TRIM66: variants seen among roughly 807,000 people sequenced by gnomAD.
TRIM66 encodes the protein tripartite motif-containing protein 66.
A neutral mutation model predicts 148.2 loss-of-function variants in TRIM66; 99 were observed. The observed-to-expected ratio is 0.67, with a 90% confidence interval of 0.57 to 0.79. The LOEUF is 0.79. TRIM66 is among the 30% of genes least tolerant of loss of function. TRIM66 has a pLI of 0.00. For synonymous variants in TRIM66, 616 were observed against 635.9 expected (o/e 0.97, Z 0.47); for missense variants, 1,666 against 1,697.9 (o/e 0.98, Z 0.33).
chr11:8,626,575 A>G (rs2034865372), intron 15 of TRIM66, among the ~76,000 whole-genome samples: 1 of 152,120 alleles, frequency 6.6e-6, no homozygotes, highest in African/African-American at 2.4e-5. Context: ...AACATCTCTC[A>G]AATATACCCA....
intron 8 of TRIM66, among the ~76,000 whole-genome samples, chr11:8,649,529 C>A (rs1214351630): frequency 6.6e-6 from 1 of 152,154 alleles, no homozygotes; most frequent in Non-Finnish European, 1.5e-5. Context: ...ACCATTTCAT[C>A]CACACTCATC....
intron 10 of TRIM66, 61 bp downstream of exon 10, chr11:8,647,909 G>C: frequency 7.4e-7 from 1 of 1,348,348 alleles, no homozygotes; most frequent in Non-Finnish European, 1.0e-6. Flanking sequence ...CCTGGTGTTG[G>C]AACCCTGGGT....
chr11:8,622,745 C>T (rs1469724696), intron 18 of TRIM66, 71 bp downstream of exon 18: 17 of 1,390,940 alleles, frequency 1.2e-5, no homozygotes, highest in Non-Finnish European at 1.6e-5. Flanking sequence ...ATCAAGGATG[C>T]TTCATCCCTG....
At chr11:8,680,747 C>T (rs1318427366) in intron 1 of TRIM66, 1 of 152,024 alleles carries the variant, frequency 6.6e-6, no homozygotes, top group African/African-American at 2.4e-5. Context: ...TTGAAGCCAC[C>T]CAAGAAGACC....
At chr11:8,635,540 G>A (rs1429934181) in intron 15 of TRIM66, among the ~76,000 whole-genome samples, 1 of 152,014 alleles carries the variant, frequency 6.6e-6, no homozygotes, top group Non-Finnish European at 1.5e-5. Context: ...TCACTGTCAG[G>A]GTTGATCTCT....
Position 8,671,823 on chromosome 11 carries a change from T to C in TRIM66, c.303A>G (p.Leu101=). 9.2e-6 allele frequency: 14 copies of C among 1,517,236 alleles called. No homozygotes were observed. The highest frequency in any genetic ancestry group is 1.7e-4 in the Middle Eastern group (1 of 5,954). 94.0% of individuals were successfully genotyped at this position (1,517,236 alleles called of 1,614,324 possible). A position where few individuals can be genotyped will look rare whatever the true frequency, so the allele number is the denominator to read the frequency against. The stretch of plus-strand genomic sequence containing the variant: ...TCTCATGAGCCTTGGCAATCTGCCC[T>C]AGCTCCTGTATCAAGCCCTGGAAGC... ...KDCFQGLIQE[L]GQIAKAHETV... The change falls in exon 6 of 25, where the codon CTA becomes CTG. Residue 101 remains leucine, a synonymous_variant. Transcript: ENST00000646038.
chr11:8,642,350 G>C (rs1404286761), intron 13 of TRIM66, among the ~76,000 whole-genome samples: 2 of 152,164 alleles, frequency 1.3e-5, no homozygotes, highest in Non-Finnish European at 2.9e-5. Flanking sequence ...TTGTCACTTT[G>C]CCAAGTTCAA....
intron 6 of TRIM66, among the ~76,000 whole-genome samples, chr11:8,660,880 T>A (rs1042654026): frequency 2.6e-5 from 4 of 152,190 alleles, no homozygotes; most frequent in Non-Finnish European, 4.4e-5. Context: ...TATGAAAGTG[T>A]GAGGTCTCTT....
At chr11:8,646,329 A>T (rs1373519087) in intron 11 of TRIM66, 118 bp downstream of exon 11, 2 of 822,234 alleles carry the variant, frequency 2.4e-6, no homozygotes, top group Non-Finnish European at 4.0e-6. Flanking sequence ...AGGGAGCAGC[A>T]CAGAGCTATG....
At chr11:8,618,997 T>C in intron 23 of TRIM66, 29 bp from the exon 24 acceptor site, 1 of 1,540,956 alleles carries the variant, frequency 6.5e-7, no homozygotes. Context: ...AGTGATGGTC[T>C]AGCCTGTTTC....
At chr11:8,648,291 A>G (rs1331295094) in intron 9 of TRIM66, 125 bp downstream of exon 9, 2 of 1,425,212 alleles carry the variant, frequency 1.4e-6, no homozygotes, top group African/African-American at 1.4e-5. Flanking sequence ...GAAAAACTTC[A>G]GCCCAGGGGC....
intron 15 of TRIM66, among the ~76,000 whole-genome samples, chr11:8,631,536 G>A (rs2035398283): frequency 6.6e-6 from 1 of 152,184 alleles, no homozygotes. Context: ...AAGGAATTTG[G>A]ATGAACCAAT....
intron 3 of TRIM66, chr11:8,677,991 C>G (rs541420422): frequency 1.3e-5 from 2 of 152,114 alleles, no homozygotes; most frequent in Non-Finnish European, 2.9e-5. Context: ...TCAAAAACTA[C>G]CGATAAAGGC....
At chr11:8,668,589 TA>T (rs1195442756) in intron 6 of TRIM66, among the ~76,000 whole-genome samples, 2 of 150,166 alleles carry the variant, frequency 1.3e-5, no homozygotes, top group Non-Finnish European at 3.0e-5. Context: ...TATTTTTATT[TA>T]TTTTTTTTTT....
At chr11:8,639,710 C>G (rs1047833934) in intron 14 of TRIM66, among the ~76,000 whole-genome samples, 1 of 152,204 alleles carries the variant, frequency 6.6e-6, no homozygotes, top group African/African-American at 2.4e-5. Flanking sequence ...GCATATAAAA[C>G]ATACCCAGCT....
Position 8,648,416 on chromosome 11 carries a change from C to G in TRIM66, c.725G>C (p.Arg242Thr). Residue 242 changes from arginine (R) to threonine (T), a missense_variant and splice_region_variant, in exon 9 of 25, where the codon AGG (arginine) becomes ACG (threonine). Physicochemically the swap from Arg to Thr is moderately conservative, Grantham distance 71. Coordinates refer to ENST00000646038, the MANE Select transcript of TRIM66 (RefSeq NM_001388022.1). ...SCLVVEHKEH[R>T]CRHVEEVLQN... ...ATTTCAGGCAGTCTGTCAGCCCCAC[C>G]TGTGTTCTTTGTGTTCCACCACTAG... 2 of 1,551,438 alleles carry G rather than the reference C, an allele frequency of 1.3e-6. No individual in the cohort carries two copies. The highest frequency in any genetic ancestry group is 2.0e-5 in the Admixed American group (1 of 51,010).
intron 6 of TRIM66, among the ~76,000 whole-genome samples, chr11:8,653,569 TTA>T (rs1251310817): frequency 6.6e-6 from 1 of 152,034 alleles, no homozygotes; most frequent in Non-Finnish European, 1.5e-5. Context: ...GTGAACACAG[TTA>T]TAATTAGCTA....
chr11:8,619,487 T>C lies in TRIM66; in HGVS notation c.3796A>G (p.Ile1266Val), dbSNP rs1273930110. The change falls in exon 23 of 25, where the codon ATC (isoleucine) becomes GTC (valine). Residue 1266 changes from isoleucine to valine, a missense_variant. This residue lies in a region of TRIM66 where 204 missense variants were observed against 231.0 expected (regional missense o/e 0.88). Transcript: ENST00000646038. Reference sequence around the variant, plus strand: ...TCCTTCTTTTGCAGCTTCCTCCGGATGATTGACAGGTCCATGGGCCTCTTG... The same window carrying C: ...TCCTTCTTTTGCAGCTTCCTCCGGACGATTGACAGGTCCATGGGCCTCTTG... ...IIKRPMDLSIIRRKLQKKDPA... is the reference protein window; with the variant it reads ...IIKRPMDLSIVRRKLQKKDPA... 1.3e-6 allele frequency: 2 copies of C among 1,551,314 alleles called. No individual in the cohort carries two copies. The highest frequency in any genetic ancestry group is 1.7e-6 in the Non-Finnish European group (2 of 1,146,790).
rs751385145 is a variant in TRIM66, at chr11:8,619,521, G to A, written c.3762C>T (p.Tyr1254=). Residue 1254 remains tyrosine (Y), a synonymous_variant, in exon 23 of 25, where the codon TAC becomes TAT. Coordinates refer to ENST00000646038, the MANE Select transcript of TRIM66 (RefSeq NM_001388022.1). ...EPVSPLARHY[Y]QIIKRPMDLS... is the part of the protein sequence containing the mutation. Reference sequence around the variant, plus strand: ...GGTCCATGGGCCTCTTGATAATCTGGTAATAATGCCGGGCCTTGGGGGAGG... The same window carrying A: ...GGTCCATGGGCCTCTTGATAATCTGATAATAATGCCGGGCCTTGGGGGAGG... 3 of 1,544,542 alleles carry A rather than the reference G, an allele frequency of 1.9e-6. No individual in the cohort carries two copies. The highest frequency in any genetic ancestry group is 2.4e-5 in the South Asian group (2 of 82,410).
Sources: allele counts gnomAD v4.1 joint callset (sites outside exome capture counted in the v4.1 genomes callset), GRCh38; gene constraint gnomAD v4.1.1; regional missense constraint gnomAD v4.1.1; transcripts MANE v1.5; gene names NCBI Gene and HGNC (gene_info 2026-07-23, HGNC 2026-07-21).